The following TAFA1 variants were observed in gnomAD, a reference collection of about 807,000 sequenced individuals.
The protein encoded by TAFA1 is TAFA chemokine like family member 1, also known as chemokine-like protein TAFA-1.
In TAFA1, 4 loss-of-function variants were observed where a neutral mutation model predicts 18.5. The observed-to-expected ratio is 0.22, with a 90% confidence interval of 0.11 to 0.49. TAFA1 has a LOEUF of 0.49. Ranked by LOEUF, TAFA1 falls within the 20% of genes least tolerant of loss-of-function variation. TAFA1 has a pLI of 0.98. For synonymous variants in TAFA1, 56 were observed against 55.2 expected (o/e 1.01, Z -0.06); for missense variants, 147 against 169.0 (o/e 0.87, Z 0.72).
At chr3:68,250,358 T>C (rs1329190503) in intron 2 of TAFA1, among the ~76,000 whole-genome samples, 3 of 152,188 alleles carry the variant, frequency 2.0e-5, no homozygotes, top group Non-Finnish European at 2.9e-5. Flanking sequence ...GAGCTTATCA[T>C]ATAAGACATA....
chr3:68,098,063 C>A (rs759506578), intron 2 of TAFA1, among the ~76,000 whole-genome samples: 3 of 152,172 alleles, frequency 2.0e-5, no homozygotes, highest in Non-Finnish European at 4.4e-5. Context: ...GATGGACAGT[C>A]AATACCTGTA....
chr3:68,164,600 T>A (rs537189256), intron 2 of TAFA1, among the ~76,000 whole-genome samples: 5 of 151,312 alleles, frequency 3.3e-5, no homozygotes, highest in African/African-American at 7.3e-5. Flanking sequence ...TGCCTCATGA[T>A]CTCATCTACC....
intron 4 of TAFA1, among the ~76,000 whole-genome samples, chr3:68,539,310 G>A (rs138738872): frequency 6.6e-5 from 10 of 152,222 alleles, no homozygotes; most frequent in Admixed American, 1.3e-4. Context: ...GTGATGATCC[G>A]TCAGAGAACT....
chr3:68,060,149 A>G (rs115347740), intron 2 of TAFA1, among the ~76,000 whole-genome samples: 2,019 of 151,986 alleles, frequency 0.013, 22 homozygotes, highest in South Asian at 0.018. Context: ...TCTCTGACTT[A>G]TGTGCCTCAT....
At chr3:68,508,647 A>G (rs1413414920) in intron 3 of TAFA1, among the ~76,000 whole-genome samples, 8 of 152,140 alleles carry the variant, frequency 5.3e-5, no homozygotes, top group East Asian at 1.9e-4. Flanking sequence ...GCAGAAAAAG[A>G]TCTTCATCCT....
intron 4 of TAFA1, among the ~76,000 whole-genome samples, chr3:68,539,619 G>T (rs1028587198): frequency 2.1e-5 from 3 of 140,022 alleles, no homozygotes; most frequent in African/African-American, 7.9e-5. Context: ...ATATGTATGT[G>T]TATCAATTGA....
Position 68,006,639 on chromosome 3 carries a change from T to C in TAFA1, c.13T>C (p.Ser5Pro), listed in dbSNP as rs757640009. The change falls in exon 2 of 5, where the codon TCT (serine) becomes CCT (proline). Residue 5 changes from serine to proline, a missense_variant. Transcript: ENST00000478136. MAMV[S>P]AMSWVLYLWI... ...TTCTCTTTAGAGAATGGCAATGGTC[T>C]CTGCGATGTCCTGGGTCCTGTATTT... The C allele has an allele frequency of 1.2e-6, 2 of 1,613,492 alleles. No individual in the cohort carries two copies. The highest frequency in any genetic ancestry group is 1.3e-5 in the African/African-American group (1 of 75,044).
chr3:68,242,606 T>C (rs1250664474), intron 2 of TAFA1, among the ~76,000 whole-genome samples: 1 of 152,180 alleles, frequency 6.6e-6, no homozygotes, highest in East Asian at 1.9e-4. Flanking sequence ...CATTAAAAAC[T>C]ATTTTGAGAG....
At chr3:68,024,870 G>A (rs895813792) in intron 2 of TAFA1, among the ~76,000 whole-genome samples, 2 of 148,834 alleles carry the variant, frequency 1.3e-5, no homozygotes, top group Admixed American at 6.7e-5. Context: ...ATCATATTTC[G>A]GAAATAAAGA....
At chr3:68,518,003 T>TA (rs1344447346) in intron 3 of TAFA1, among the ~76,000 whole-genome samples, 1 of 152,100 alleles carries the variant, frequency 6.6e-6, no homozygotes, top group African/African-American at 2.4e-5. Flanking sequence ...GTTGCCAGAA[T>TA]ACAACATTCT....
chr3:68,024,140 T>C (rs1304603987), intron 2 of TAFA1, among the ~76,000 whole-genome samples: 1 of 152,194 alleles, frequency 6.6e-6, no homozygotes, highest in Non-Finnish European at 1.5e-5. Flanking sequence ...TTATCCTAAG[T>C]ATTTTTTATT....
chr3:68,369,139 G>T (rs1456171742), intron 2 of TAFA1, among the ~76,000 whole-genome samples: 4 of 152,082 alleles, frequency 2.6e-5, no homozygotes, highest in Non-Finnish European at 2.9e-5. Flanking sequence ...CTAGTTAGAA[G>T]AGAGATGTTC....
chr3:68,522,161 T>G (rs913653907), intron 3 of TAFA1, among the ~76,000 whole-genome samples: 2 of 152,098 alleles, frequency 1.3e-5, no homozygotes, highest in South Asian at 4.1e-4. Context: ...TTTTCAGTTA[T>G]TTATAAATTT....
At chr3:68,141,702 C>A (rs780285580) in intron 2 of TAFA1, among the ~76,000 whole-genome samples, 23 of 152,186 alleles carry the variant, frequency 1.5e-4, no homozygotes, top group Non-Finnish European at 2.4e-4. Flanking sequence ...CTTCAGGGAA[C>A]CTTGCTGACA....
At chr3:68,422,439 G>A in intron 3 of TAFA1, among the ~76,000 whole-genome samples, 1 of 152,130 alleles carries the variant, frequency 6.6e-6, no homozygotes, top group East Asian at 1.9e-4. Context: ...CCCATGGTAA[G>A]TGTTCCAATT....
chr3:68,459,246 G>T (rs1173346274), intron 3 of TAFA1, among the ~76,000 whole-genome samples: 2 of 152,098 alleles, frequency 1.3e-5, no homozygotes, highest in African/African-American at 4.8e-5. Flanking sequence ...GGGAGGATCA[G>T]GTGGCACCCC....
chr3:68,365,211 C>A (rs1481738987), intron 2 of TAFA1, among the ~76,000 whole-genome samples: 1 of 152,158 alleles, frequency 6.6e-6, no homozygotes, highest in East Asian at 1.9e-4. Context: ...GAAAACTGAG[C>A]TTCTTACCTA....
In TAFA1 at chr3:68,449,759, A is replaced by T. The variant is rs539598671; in HGVS notation, c.259+32339A>T. ...GCCCACATGAGTGTGGCCATTTATCATCAAGCTTAAAGCACATTTTTCTTA... is the reference window on the plus strand; with the variant it reads ...GCCCACATGAGTGTGGCCATTTATCTTCAAGCTTAAAGCACATTTTTCTTA... On this transcript the variant is annotated intron_variant, in intron 3 of 4. Coordinates refer to ENST00000478136, the MANE Select transcript of TAFA1 (RefSeq NM_213609.4). Among the ~76,000 whole-genome samples, 16 of 152,282 alleles carry T rather than the reference A, an allele frequency of 1.1e-4. No individual in the cohort carries two copies. The South Asian group carries it at 2.5e-3, about 24-fold the overall frequency.
intron 2 of TAFA1, among the ~76,000 whole-genome samples, chr3:68,380,138 G>A (rs866628991): frequency 1.5e-4 from 23 of 152,226 alleles, no homozygotes; most frequent in South Asian, 1.0e-3. Context: ...TGGTGTATAT[G>A]TGCCACATTT....
Sources: gnomAD v4.1 joint callset for allele counts (sites outside exome capture counted in the v4.1 genomes callset) on GRCh38, gnomAD v4.1.1 for gene constraint, MANE v1.5 for transcripts, NCBI Gene and HGNC (gene_info 2026-07-23, HGNC 2026-07-21) for gene names.